TRIQK: variants seen among roughly 807,000 people sequenced by gnomAD.
The protein encoded by TRIQK is triple QxxK/R motif containing.
TRIQK carries 10 observed loss-of-function variants against 10.8 expected under a neutral mutation model. The observed-to-expected ratio is 0.92, with a 90% CI of 0.57 to 1.57. The LOEUF is 1.57. Among genes scored for constraint, TRIQK ranks in the 40% most tolerant of loss-of-function variants. The pLI is 0.00. For synonymous variants in TRIQK, 33 were observed against 33.7 expected (o/e 0.98, Z 0.07); for missense variants, 107 against 97.7 (o/e 1.09, Z -0.40).
chr8:92,910,893 T>G (rs993420394), intron 3 of TRIQK, among the ~76,000 whole-genome samples: 5 of 151,318 alleles, frequency 3.3e-5, no homozygotes, highest in Admixed American at 3.3e-4. Flanking sequence ...TAATTCTCAT[T>G]TTTCACTAAA....
chr8:92,921,128 C>G (rs1046447897), intron 2 of TRIQK, among the ~76,000 whole-genome samples: 1 of 151,524 alleles, frequency 6.6e-6, no homozygotes, highest in East Asian at 1.9e-4. Flanking sequence ...AAGCAGTTAT[C>G]CACTGCTTAA....
chr8:92,933,750 C>T (rs1013779238), intron 2 of TRIQK, among the ~76,000 whole-genome samples: 1 of 152,060 alleles, frequency 6.6e-6, no homozygotes, highest in Non-Finnish European at 1.5e-5. Context: ...AGATTGCTAA[C>T]ATTCAAGATA....
At chr8:92,926,597 G>GA (rs1011719473) in intron 2 of TRIQK, among the ~76,000 whole-genome samples, 8 of 149,746 alleles carry the variant, frequency 5.3e-5, no homozygotes, top group African/African-American at 2.5e-5. Flanking sequence ...TGAAAATACA[G>GA]AAAAAAAAAG....
intron 1 of TRIQK, among the ~76,000 whole-genome samples, chr8:93,011,006 G>A (rs1813326436): frequency 6.6e-6 from 1 of 152,030 alleles, no homozygotes; most frequent in Non-Finnish European, 1.5e-5. Context: ...AAGCATGTCA[G>A]CTATGGCATA....
At chr8:92,897,255 G>T (rs1419536023) in intron 3 of TRIQK, among the ~76,000 whole-genome samples, 1 of 152,138 alleles carries the variant, frequency 6.6e-6, no homozygotes, top group East Asian at 1.9e-4. Flanking sequence ...TTGAAATTTT[G>T]AGTCGATACT....
chr8:92,973,291 A>G (rs1240000871), intron 1 of TRIQK: 1 of 152,238 alleles, frequency 6.6e-6, no homozygotes, highest in African/African-American at 2.4e-5. Flanking sequence ...GGATATCAGT[A>G]AATGTTCTTA....
At chr8:92,979,407 C>T (rs1220973334) in intron 1 of TRIQK, among the ~76,000 whole-genome samples, 1 of 152,028 alleles carries the variant, frequency 6.6e-6, no homozygotes. Context: ...GTGAAGAATT[C>T]CAGAATGCCA....
intron 2 of TRIQK, among the ~76,000 whole-genome samples, chr8:92,933,399 T>C (rs1449181678): frequency 6.6e-6 from 1 of 152,160 alleles, no homozygotes; most frequent in African/African-American, 2.4e-5. Flanking sequence ...TGTGCTCATA[T>C]AGACCAACTT....
At chr8:92,897,115 C>T (rs889252487) in intron 3 of TRIQK, among the ~76,000 whole-genome samples, 1 of 152,134 alleles carries the variant, frequency 6.6e-6, no homozygotes, top group Non-Finnish European at 1.5e-5. Flanking sequence ...CCATGCCAGG[C>T]CCCAGCATTG....
Position 92,885,780 on chromosome 8 carries a change from T to C in TRIQK, c.*842A>G, listed in dbSNP as rs1295043006. The C allele has an allele frequency of 6.6e-6, 1 of 151,696 alleles. No homozygotes were observed. Among genetic ancestry groups the C allele is most frequent in the Non-Finnish European group, 1.5e-5 (1 of 67,804 alleles). The allele number at this position is 151,696 out of a possible 1,614,324, so 9.4% of individuals were successfully genotyped here. On this transcript the variant is annotated 3_prime_UTR_variant, in exon 5 of 5. Coordinates refer to ENST00000521988, the MANE Select transcript of TRIQK (RefSeq NM_001171797.2). Reference sequence around the variant, plus strand: ...ACCTAAGAAGATGATTCTGAGTAGGTAGGATTTTTGCTATTACTGTTATGT... The same window carrying C: ...ACCTAAGAAGATGATTCTGAGTAGGCAGGATTTTTGCTATTACTGTTATGT...
At position 92,884,889 on chromosome 8, in the gene TRIQK, T is replaced by C; in HGVS notation, c.*1733A>G. The stretch of plus-strand genomic sequence containing the variant: ...TATTTCTTGACATGTGGCATGTCAC[T>C]CAGGAAAGTAAAAGGCCCATCATAT... On this transcript the variant is annotated 3_prime_UTR_variant, in exon 5 of 5. Transcript: ENST00000521988. 1 of 456,080 alleles carries C rather than the reference T, an allele frequency of 2.2e-6. No individual in the cohort carries two copies. Among genetic ancestry groups the C allele is most frequent in the Non-Finnish European group, 4.4e-6 (1 of 226,684 alleles). 28.3% of individuals were successfully genotyped at this position (456,080 alleles called of 1,614,324 possible).
intron 1 of TRIQK, among the ~76,000 whole-genome samples, chr8:93,003,695 A>C (rs1349711421): frequency 6.6e-6 from 1 of 152,206 alleles, no homozygotes; most frequent in African/African-American, 2.4e-5. Context: ...TCCACCTATG[A>C]GCCTGTAAAA....
At chr8:92,977,868 A>C (rs1308052117) in intron 1 of TRIQK, among the ~76,000 whole-genome samples, 1 of 152,176 alleles carries the variant, frequency 6.6e-6, no homozygotes, top group African/African-American at 2.4e-5. Flanking sequence ...GCAGAAACAG[A>C]GAAGCATTTA....
chr8:92,940,158 C>G (rs1415509086), intron 2 of TRIQK, among the ~76,000 whole-genome samples: 3 of 152,016 alleles, frequency 2.0e-5, no homozygotes, highest in African/African-American at 7.2e-5. Context: ...ACCAGCTGAC[C>G]CTTCATGAAT....
At chr8:92,998,904 C>A (rs1813180177) in intron 1 of TRIQK, among the ~76,000 whole-genome samples, 1 of 152,068 alleles carries the variant, frequency 6.6e-6, no homozygotes, top group Non-Finnish European at 1.5e-5. Flanking sequence ...GAATGATTTA[C>A]AAAAATGTCT....
chr8:92,968,898 T>C (rs1226715530), upstream of TRIQK, among the ~76,000 whole-genome samples: 1 of 152,244 alleles, frequency 6.6e-6, no homozygotes, highest in Non-Finnish European at 1.5e-5. Flanking sequence ...CGAATGATAT[T>C]GCCTAGGTTT....
At chr8:92,897,453 G>C (rs1211865912) in intron 3 of TRIQK, among the ~76,000 whole-genome samples, 1 of 152,064 alleles carries the variant, frequency 6.6e-6, no homozygotes, top group Non-Finnish European at 1.5e-5. Flanking sequence ...AGATTATTAG[G>C]TCATAAGGGC....
At chr8:92,994,406 A>C (rs1303947469) in intron 1 of TRIQK, among the ~76,000 whole-genome samples, 1 of 91,874 alleles carries the variant, frequency 1.1e-5, no homozygotes, top group Non-Finnish European at 2.0e-5. Flanking sequence ...TAAAAAATTT[A>C]TTTGTTTCAA....
chr8:92,946,867 T>A (rs1440874900), intron 2 of TRIQK, among the ~76,000 whole-genome samples: 1 of 151,886 alleles, frequency 6.6e-6, no homozygotes, highest in Non-Finnish European at 1.5e-5. Flanking sequence ...TTCACGCCAT[T>A]CTCCTGCCTC....
Sources: gnomAD v4.1 joint callset for allele counts (sites outside exome capture counted in the v4.1 genomes callset) on GRCh38, gnomAD v4.1.1 for gene constraint, MANE v1.5 for transcripts, NCBI Gene and HGNC (gene_info 2026-07-23, HGNC 2026-07-21) for gene names.